IMMP2L: variants seen among roughly 807,000 people sequenced by gnomAD.
The protein encoded by IMMP2L is inner mitochondrial membrane peptidase subunit 2, also known as mitochondrial inner membrane protease subunit 2.
Under a neutral mutation model 19.3 loss-of-function variants are expected in IMMP2L, and 18 were observed. The ratio of observed to expected loss-of-function variants is 0.93; its 90% CI spans 0.64 to 1.38. The LOEUF (loss-of-function observed/expected upper bound fraction) is 1.38. Among genes scored for constraint, IMMP2L ranks in the 40% most tolerant of loss-of-function variants. The probability of loss-of-function intolerance (pLI) is 0.00; values close to 1 mark genes in which losing one functional copy is unlikely to be tolerated. For synonymous variants in IMMP2L, 76 were observed against 73.0 expected (o/e 1.04, Z -0.21); for missense variants, 233 against 218.2 (o/e 1.07, Z -0.43).
intron 5 of IMMP2L, among the ~76,000 whole-genome samples, chr7:110,771,646 C>T (rs1799045104): frequency 6.6e-6 from 1 of 152,166 alleles, no homozygotes; most frequent in African/African-American, 2.4e-5. Context: ...GTACCTGATA[C>T]ATATTAAATG....
intron 5 of IMMP2L, among the ~76,000 whole-genome samples, chr7:110,848,042 A>G (rs1805837324): frequency 6.6e-6 from 1 of 152,158 alleles, no homozygotes; most frequent in Non-Finnish European, 1.5e-5. Flanking sequence ...CAACCCATGA[A>G]AGAAATAATT....
At chr7:111,120,042 C>T (rs214868) in intron 3 of IMMP2L, among the ~76,000 whole-genome samples, 14,089 of 151,966 alleles carry the variant, frequency 0.093, 1,504 homozygotes, top group African/African-American at 0.26. Context: ...CATAGCTCTA[C>T]CAATAGGGAG....
intron 5 of IMMP2L, among the ~76,000 whole-genome samples, chr7:110,733,928 T>C (rs1014764886): frequency 3.9e-5 from 6 of 152,114 alleles, no homozygotes; most frequent in Non-Finnish European, 5.9e-5. Context: ...CCCTGACCTT[T>C]AACTTCCCAG....
At chr7:110,737,621 G>C (rs1017515755) in intron 5 of IMMP2L, among the ~76,000 whole-genome samples, 1 of 152,108 alleles carries the variant, frequency 6.6e-6, no homozygotes, top group African/African-American at 2.4e-5. Context: ...ATAATCCCTT[G>C]GGAACTCTAT....
rs1218434499 is a variant in IMMP2L, at chr7:110,980,227, C to CTTTTTTTT, written c.240-16670_240-16663dup. ...TTATATGACTGTATTTGTGCTGCTT[C>CTTTTTTTT]TTTTTTTTTTTTTTTTTTTTTTAGG... On this transcript the variant is annotated intron_variant, in intron 3 of 5. Coordinates refer to ENST00000405709, the MANE Select transcript of IMMP2L (RefSeq NM_032549.4). Among the ~76,000 whole-genome samples, 571 of 91,806 alleles carry CTTTTTTTT rather than the reference C, an allele frequency of 6.2e-3. 18 individuals carry two copies. Among genetic ancestry groups the CTTTTTTTT allele is most frequent in the Non-Finnish European group, 8.4e-3 (408 of 48,844 alleles). The allele number at this position is 91,806 out of a possible 152,430, so 60.2% of individuals were successfully genotyped here. A position where few individuals can be genotyped will look rare whatever the true frequency, so the allele number is the denominator to read the frequency against.
chr7:110,676,378 G>A (rs1034966500), intron 5 of IMMP2L, among the ~76,000 whole-genome samples: 2 of 152,244 alleles, frequency 1.3e-5, no homozygotes, highest in African/African-American at 4.8e-5. Context: ...TACAAAAACA[G>A]GCAGCGAGCT....
intron 5 of IMMP2L, among the ~76,000 whole-genome samples, chr7:110,861,891 G>T (rs955035112): frequency 2.6e-5 from 4 of 151,960 alleles, no homozygotes; most frequent in Non-Finnish European, 5.9e-5. Context: ...ATATCCAAAT[G>T]CCTAAAGCAG....
At chr7:111,212,627 A>AG (rs1209319391) in intron 3 of IMMP2L, among the ~76,000 whole-genome samples, 1 of 152,180 alleles carries the variant, frequency 6.6e-6, no homozygotes, top group African/African-American at 2.4e-5. Flanking sequence ...CCCAAAAAAA[A>AG]GGGGGGGTGG....
In IMMP2L at chr7:110,760,817, C is replaced by T. The variant is rs1471200001; in HGVS notation, c.409-97096G>A. 1.3e-5 allele frequency among the ~76,000 whole-genome samples: 2 copies of T among 151,916 alleles called. No homozygotes were observed. The highest frequency in any genetic ancestry group is 2.9e-5 in the Non-Finnish European group (2 of 67,984). On this transcript the variant is annotated intron_variant, in intron 5 of 5. Transcript: ENST00000405709. This position sits in a 1 kb window ranked among gnomAD's most constrained non-coding sequence, Gnocchi z 4.2. ...ATTTCTTACTACAAGTGTAGAACGC[C>T]AGATAGGATCATCACAGTAGGCACC...
chr7:111,377,524 G>A (rs37663), intron 3 of IMMP2L, among the ~76,000 whole-genome samples: 21,139 of 151,732 alleles, frequency 0.14, 1,614 homozygotes, highest in Middle Eastern at 0.19. Context: ...ATTCTAGTAC[G>A]GCTGTCAGTC....
At chr7:110,847,984 A>T (rs1263286026) in intron 5 of IMMP2L, among the ~76,000 whole-genome samples, 2 of 152,108 alleles carry the variant, frequency 1.3e-5, no homozygotes, top group Non-Finnish European at 2.9e-5. Flanking sequence ...GAAAAAAATA[A>T]ATGACGTAGG....
At chr7:111,111,640 A>C (rs2129583783) in intron 3 of IMMP2L, among the ~76,000 whole-genome samples, 1 of 152,186 alleles carries the variant, frequency 6.6e-6, no homozygotes, top group Middle Eastern at 3.4e-3. Context: ...GAACAGAAAT[A>C]ATGTGAATCA....
At chr7:111,341,455 G>A (rs1016061194) in intron 3 of IMMP2L, among the ~76,000 whole-genome samples, 4 of 151,988 alleles carry the variant, frequency 2.6e-5, no homozygotes, top group South Asian at 4.1e-4. Context: ...GAATTTGTAC[G>A]TGTATATATA....
At chr7:111,175,206 GGC>G (rs1806907411) in intron 3 of IMMP2L, among the ~76,000 whole-genome samples, 1 of 151,608 alleles carries the variant, frequency 6.6e-6, no homozygotes, top group South Asian at 2.1e-4. Flanking sequence ...TTAGAATGTG[GGC>G]AAGCAGATGG....
intron 3 of IMMP2L, among the ~76,000 whole-genome samples, chr7:111,403,804 T>C (rs539988122): frequency 5.9e-5 from 9 of 152,248 alleles, no homozygotes; most frequent in African/African-American, 2.2e-4. Flanking sequence ...ATTGTTAAAG[T>C]TGGGATCCTT....
At chr7:111,374,811 T>C (rs1236302342) in intron 3 of IMMP2L, among the ~76,000 whole-genome samples, 1 of 152,162 alleles carries the variant, frequency 6.6e-6, no homozygotes, top group Non-Finnish European at 1.5e-5. Flanking sequence ...GTGAAGACAC[T>C]GGATGCTGCA....
At chr7:111,137,300 G>A (rs1802442466) in intron 3 of IMMP2L, among the ~76,000 whole-genome samples, 2 of 152,088 alleles carry the variant, frequency 1.3e-5, no homozygotes, top group Admixed American at 6.6e-5. Flanking sequence ...TGCTGGAAGA[G>A]CCATCTGGAT....
chr7:110,763,587 T>C (rs1798479880), intron 5 of IMMP2L, among the ~76,000 whole-genome samples: 1 of 152,160 alleles, frequency 6.6e-6, no homozygotes, highest in Non-Finnish European at 1.5e-5. Flanking sequence ...AGGTCTTTTA[T>C]ACACTTTTCT....
At chr7:111,269,419 T>C (rs1330076290) in intron 3 of IMMP2L, among the ~76,000 whole-genome samples, 2 of 152,170 alleles carry the variant, frequency 1.3e-5, no homozygotes, top group African/African-American at 4.8e-5. Context: ...GACATGCAAG[T>C]ATGCAAATAA....
Sources: gnomAD v4.1 joint callset for allele counts (sites outside exome capture counted in the v4.1 genomes callset) on GRCh38, gnomAD v4.1.1 for gene constraint, Gnocchi (gnomAD v3.1) non-coding constraint, MANE v1.5 for transcripts, NCBI Gene and HGNC (gene_info 2026-07-23, HGNC 2026-07-21) for gene names.